ARHGAP36: variants seen among roughly 807,000 people sequenced by gnomAD.
The protein encoded by ARHGAP36 is Rho GTPase activating protein 36.
Under a neutral mutation model 32.9 loss-of-function variants are expected in ARHGAP36, and 7 were observed. The observed-to-expected ratio is 0.21, with a 90% CI of 0.12 to 0.40. ARHGAP36 has a LOEUF of 0.40. ARHGAP36 is among the 10% of genes least tolerant of loss of function. The pLI, the probability that ARHGAP36 is intolerant of heterozygous loss-of-function variation, is 1.00. For synonymous variants in ARHGAP36, 165 were observed against 168.3 expected (o/e 0.98, Z 0.15); for missense variants, 383 against 442.2 (o/e 0.87, Z 1.20).
chrX:131,074,703 C>T (rs2079752081), intron 1 of ARHGAP36, among the ~76,000 whole-genome samples: 1 of 111,539 alleles, frequency 9.0e-6, no homozygotes, highest in Non-Finnish European at 1.9e-5. Context: ...AGTCTTCAGA[C>T]ACTTGACATT....
chrX:131,060,681 C>T (rs1332597145), intron 1 of ARHGAP36, among the ~76,000 whole-genome samples: 2 of 112,295 alleles, frequency 1.8e-5, no homozygotes, highest in Non-Finnish European at 3.8e-5. Flanking sequence ...TCTGGTGGTA[C>T]CTGTTCCCCA....
chrX:131,073,508 C>A (rs2079743426), intron 1 of ARHGAP36, among the ~76,000 whole-genome samples: 1 of 112,808 alleles, frequency 8.9e-6, no homozygotes, highest in Non-Finnish European at 1.9e-5. Flanking sequence ...CAGTCCCCTG[C>A]ACTCTGGCCC....
intron 1 of ARHGAP36, among the ~76,000 whole-genome samples, chrX:131,058,984 C>T (rs1403859068): frequency 8.9e-6 from 1 of 112,386 alleles, no homozygotes; most frequent in Non-Finnish European, 1.9e-5. Context: ...CCCAAGGTTA[C>T]CCAACAGGTT....
chrX:131,067,706 A>G (rs113405178), intron 1 of ARHGAP36, among the ~76,000 whole-genome samples: 666 of 111,572 alleles, frequency 6.0e-3, no homozygotes, highest in South Asian at 9.8e-3. Context: ...TCATCCAAGC[A>G]CGTAAGCTGA....
chrX:131,086,424 C>T lies in ARHGAP36; in HGVS notation c.1377C>T (p.Ile459=), dbSNP rs1436389659. 2.5e-6 allele frequency: 3 copies of T among 1,211,426 alleles called. No homozygotes were observed. The highest frequency in any genetic ancestry group is 3.4e-6 in the Non-Finnish European group (3 of 895,184). ...DFIRRRNLRK[I]QSARIKMEED... ...TCAGACGCAGGAACTTGAGGAAGAT[C>T]CAGTGAGTGTTTTTTGGGTTTGTTT... Residue 459 remains isoleucine (I), a splice_region_variant and synonymous_variant, in exon 10 of 12, where the codon ATC becomes ATT. Transcript: ENST00000276211.
intron 2 of ARHGAP36, among the ~76,000 whole-genome samples, chrX:131,082,742 C>T (rs1039988948): frequency 8.8e-6 from 1 of 113,173 alleles, no homozygotes; most frequent in African/African-American, 3.2e-5. Context: ...AGGGAGCCGA[C>T]GGCAACCTGG....
At position 131,088,829 on chromosome X, in the gene ARHGAP36, G is replaced by A; in HGVS notation, c.*44G>A. 8.6e-7 allele frequency: 1 copy of A among 1,162,442 alleles called. No individual in the cohort carries two copies. Among genetic ancestry groups the A allele is most frequent in the Non-Finnish European group, 1.1e-6 (1 of 872,158 alleles). ...GGTGCCAGACAGGGGAAAAGGGTGG[G>A]GGTACATCTGGGATGTCACAGGAAA... On this transcript the variant is annotated 3_prime_UTR_variant, in exon 12 of 12. Coordinates refer to ENST00000276211, the MANE Select transcript of ARHGAP36 (RefSeq NM_144967.4).
At chrX:131,079,692 T>C (rs2079785186) in intron 1 of ARHGAP36, among the ~76,000 whole-genome samples, 1 of 109,367 alleles carries the variant, frequency 9.1e-6, no homozygotes, top group South Asian at 4.0e-4. Flanking sequence ...CCCCAAATCA[T>C]ATATAGAATG....
At chrX:131,075,557 G>A (rs59895589) in intron 1 of ARHGAP36, among the ~76,000 whole-genome samples, 1,185 of 106,442 alleles carry the variant, frequency 0.011, 13 homozygotes, top group African/African-American at 0.039. Context: ...TACTCTTCCT[G>A]TAAATATATA....
chrX:131,074,935 C>T (rs1423401083), intron 1 of ARHGAP36, among the ~76,000 whole-genome samples: 1 of 112,629 alleles, frequency 8.9e-6, no homozygotes. Context: ...AGCTGCCTTG[C>T]ATCTCTGATC....
chrX:131,083,763 C>G lies in ARHGAP36; in HGVS notation c.349C>G (p.Leu117Val). The G allele has an allele frequency of 8.3e-7, 1 of 1,211,829 alleles. No individual in the cohort carries two copies. The highest frequency in any genetic ancestry group is 1.1e-6 in the Non-Finnish European group (1 of 895,460). The change falls in exon 4 of 12, where the codon CTG (leucine) becomes GTG (valine). Residue 117 changes from leucine to valine, a missense_variant. Physicochemically the swap from Leu to Val is conservative, Grantham distance 32 (BLOSUM62 1). This residue lies in a region of ARHGAP36 where 156 missense variants were observed against 131.0 expected (regional missense o/e 1.19). Transcript: ENST00000276211. ...AVSHKTFGIS[L>V]EEVLVNEFTR... ...ATCACACAAGACATTTGGCATTAGC[C>G]TGGAAGAGGTCCTGGTGAACGAGTT...
At chrX:131,071,198 CAGAG>C (rs1458563461) in intron 1 of ARHGAP36, among the ~76,000 whole-genome samples, 1 of 109,374 alleles carries the variant, frequency 9.1e-6, no homozygotes, top group African/African-American at 3.3e-5. Context: ...GAGACAGAGA[CAGAG>C]AGAGACAGAG....
chrX:131,063,994 T>C (rs5975238), intron 1 of ARHGAP36, among the ~76,000 whole-genome samples: 9,826 of 111,856 alleles, frequency 0.088, 648 homozygotes, highest in African/African-American at 0.23. Context: ...TCTCTATCAT[T>C]CCATCTACCC....
At chrX:131,083,609 C>A in intron 3 of ARHGAP36, 125 bp from the exon 4 acceptor site, 2 of 679,441 alleles carry the variant, frequency 2.9e-6, no homozygotes, top group East Asian at 3.2e-5. Context: ...AGGGGCGCTG[C>A]GGTTCTGGAG....
rs2079833008 is a variant in ARHGAP36 at position 131,085,898 on chromosome X, C to T, written c.1105-15C>T. On this transcript the variant is annotated splice_polypyrimidine_tract_variant and intron_variant, in intron 8 of 11. Transcript: ENST00000276211. ...CTACCTCAGCGTCAATCACTTTCTG[C>T]TTTCCTTTGCCTAGGTCCCAGGCAA... 6.6e-6 allele frequency: 8 copies of T among 1,209,231 alleles called. No individual in the cohort carries two copies. In the East Asian group the frequency reaches 1.8e-4, roughly 27 times the overall value.
chrX:131,084,058 A>C, intron 4 of ARHGAP36, 89 bp downstream of exon 4: 5 of 1,084,331 alleles, frequency 4.6e-6, no homozygotes, highest in Non-Finnish European at 5.0e-6. Context: ...GTGCCCTCAG[A>C]GGCAGGGGGG....
chrX:131,060,413 AAC>A (rs201938641), intron 1 of ARHGAP36, among the ~76,000 whole-genome samples: 1 of 110,723 alleles, frequency 9.0e-6, no homozygotes, highest in Admixed American at 9.6e-5. Context: ...CAAAGCCACG[AAC>A]ACACACACAC....
Position 131,084,294 on chromosome X carries a change from C to G in ARHGAP36, c.635C>G (p.Ser212Cys). Residue 212 changes from serine to cysteine, a missense_variant, in exon 5 of 12, where the codon TCC becomes TGC. By Grantham distance (112) the Ser-to-Cys change is moderately radical. Around this residue, in one of 2 missense-constraint regions of ARHGAP36, gnomAD observed 227 missense variants for 311.3 expected, o/e 0.73. Transcript: ENST00000276211. ...LLQTLQLSKI[S>C]FPIGQRLLGS... is the part of the protein sequence containing the mutation. ...CAGACCCTGCAGCTTTCAAAAATTT[C>G]CTTTCCAATTGGCCAACGACTTCTG... The G allele has an allele frequency of 8.3e-7, 1 of 1,211,854 alleles. No homozygotes were observed. Among genetic ancestry groups the G allele is most frequent in the Non-Finnish European group, 1.1e-6 (1 of 895,512 alleles).
chrX:131,079,450 C>T (rs757844709), intron 1 of ARHGAP36, among the ~76,000 whole-genome samples: 1 of 111,583 alleles, frequency 9.0e-6, no homozygotes, highest in South Asian at 3.8e-4. Flanking sequence ...TCTTACTGCA[C>T]CTATTTCTGA....
Sources: gnomAD v4.1 joint callset for allele counts (sites outside exome capture counted in the v4.1 genomes callset) on GRCh38, gnomAD v4.1.1 for gene constraint, gnomAD v4.1.1 regional missense constraint, MANE v1.5 for transcripts, NCBI Gene and HGNC (gene_info 2026-07-23, HGNC 2026-07-21) for gene names.